Variants in KCNK10 observed in about 807,000 individuals in gnomAD.
KCNK10 encodes the protein potassium two pore domain channel subfamily K member 10, also known as potassium channel subfamily K member 10.
KCNK10 carries 25 observed loss-of-function variants against 47.7 expected under a neutral mutation model. The ratio of observed to expected loss-of-function variants is 0.52; its 90% confidence interval spans 0.38 to 0.73. The LOEUF is 0.73. KCNK10 is among the 30% of genes least tolerant of loss of function. The pLI, the probability that KCNK10 is intolerant of heterozygous loss-of-function variation, is 0.00. For synonymous variants in KCNK10, 303 were observed against 285.6 expected (o/e 1.06, Z -0.61); for missense variants, 563 against 714.5 (o/e 0.79, Z 2.42).
upstream of KCNK10, among the ~76,000 whole-genome samples, chr14:88,325,230 C>T (rs933591847): frequency 6.6e-6 from 1 of 152,140 alleles, no homozygotes; most frequent in African/African-American, 2.4e-5. Flanking sequence ...CCTCCCTCTG[C>T]GCTCTTCTCT....
At chr14:88,320,131 G>C (rs1177869533) in intron 1 of KCNK10, among the ~76,000 whole-genome samples, 1 of 152,192 alleles carries the variant, frequency 6.6e-6, no homozygotes, top group African/African-American at 2.4e-5. Flanking sequence ...GTGGTGTCAT[G>C]ATGGCAATCA....
chr14:88,267,129 G>C (rs1196710964), intron 1 of KCNK10, among the ~76,000 whole-genome samples: 1 of 152,182 alleles, frequency 6.6e-6, no homozygotes, highest in Non-Finnish European at 1.5e-5. Context: ...AATAATAGCA[G>C]CCATCTTTTT....
At chr14:88,250,988 A>G (rs1886779507) in intron 2 of KCNK10, among the ~76,000 whole-genome samples, 2 of 152,202 alleles carry the variant, frequency 1.3e-5, no homozygotes, top group Admixed American at 1.3e-4. Context: ...TAATCCCAGC[A>G]CTTTGGGAGG....
intron 1 of KCNK10, among the ~76,000 whole-genome samples, chr14:88,275,222 C>T (rs1887501792): frequency 6.6e-6 from 1 of 152,140 alleles, no homozygotes; most frequent in African/African-American, 2.4e-5. Flanking sequence ...GTGTCAAACC[C>T]GCAGTTCCTC....
chr14:88,196,062 T>C (rs1419053597), intron 4 of KCNK10, among the ~76,000 whole-genome samples: 4 of 152,216 alleles, frequency 2.6e-5, no homozygotes, highest in Non-Finnish European at 5.9e-5. Flanking sequence ...GATAGGATGG[T>C]CGTTGTACTT....
At chr14:88,213,774 GGA>G (rs1885531556) in intron 4 of KCNK10, among the ~76,000 whole-genome samples, 1 of 137,246 alleles carries the variant, frequency 7.3e-6, no homozygotes, top group Admixed American at 7.1e-5. Flanking sequence ...AAAGATATGA[GGA>G]AAGAGCTAAA....
At chr14:88,204,910 T>C (rs1317046901) in intron 4 of KCNK10, among the ~76,000 whole-genome samples, 2 of 152,300 alleles carry the variant, frequency 1.3e-5, no homozygotes, top group Middle Eastern at 3.4e-3. Flanking sequence ...GAATCCATAG[T>C]ATACATTAGG....
intron 2 of KCNK10, among the ~76,000 whole-genome samples, chr14:88,253,293 T>C (rs909555149): frequency 3.9e-5 from 6 of 152,172 alleles, no homozygotes; most frequent in Non-Finnish European, 7.3e-5. Context: ...TAAATTCTAG[T>C]GTTCTATACC....
rs1887369610 is a variant in KCNK10, at chr14:88,270,228, G to C, written c.53-6677C>G. On this transcript the variant is annotated intron_variant, in intron 1 of 6. Coordinates refer to ENST00000319231, the MANE Select transcript of KCNK10 (RefSeq NM_138317.3). ...CTGCATAGGCATAGGCAGACTTCAG[G>C]CCGCTGGGGAGGGAGGGTGTTAGGA... is the stretch of plus-strand genomic sequence containing the variant. Among the ~76,000 whole-genome samples the C allele has an allele frequency of 2.0e-5, 3 of 152,172 alleles. No individual in the cohort carries two copies. The South Asian group carries it at 6.2e-4, about 32-fold the overall frequency.
intron 1 of KCNK10, among the ~76,000 whole-genome samples, chr14:88,310,063 C>T (rs186795472): frequency 4.1e-5 from 6 of 144,782 alleles, no homozygotes; most frequent in South Asian, 2.3e-4. Context: ...GCTGTACCCA[C>T]GGGTAATTGG....
At chr14:88,288,680 CCCACTTCT>C (rs1171952810) in intron 1 of KCNK10, among the ~76,000 whole-genome samples, 2 of 152,206 alleles carry the variant, frequency 1.3e-5, no homozygotes, top group Admixed American at 6.5e-5. Context: ...CTGGCCATGG[CCCACTTCT>C]CCACCTTCAT....
chr14:88,198,845 TA>T (rs1370277287), intron 4 of KCNK10, among the ~76,000 whole-genome samples: 1 of 152,156 alleles, frequency 6.6e-6, no homozygotes, highest in Non-Finnish European at 1.5e-5. Context: ...TTCTTCAGTA[TA>T]AAGGGAATAT....
intron 1 of KCNK10, among the ~76,000 whole-genome samples, chr14:88,304,612 T>C (rs954904129): frequency 1.3e-5 from 2 of 152,344 alleles, no homozygotes; most frequent in African/African-American, 4.8e-5. Context: ...TGTAAGCTAG[T>C]GTCCATTCTG....
chr14:88,212,109 A>AATATATAGATATATATATAT (rs1885476741), intron 4 of KCNK10, among the ~76,000 whole-genome samples: 1 of 133,334 alleles, frequency 7.5e-6, no homozygotes. Context: ...TGATAGTGAG[A>AATATATAGATATATATATAT]ATATATATAT....
rs724611 is a variant in KCNK10, at chr14:88,260,683, G to T, written c.402+2519C>A. Among the ~76,000 whole-genome samples, 1 of 152,204 alleles carries T rather than the reference G, an allele frequency of 6.6e-6. No homozygotes were observed. Among genetic ancestry groups the T allele is most frequent in the East Asian group, 1.9e-4 (1 of 5,190 alleles). On this transcript the variant is annotated intron_variant, in intron 2 of 6. Transcript: ENST00000319231. The surrounding 1 kb of genome is among the most constrained non-coding windows in gnomAD (Gnocchi z 4.5). ...TTTCCTCCCCTGTAAAATGGGAATC[G>T]TGATATGAACTTAGAGTGTTGTTGA... is the stretch of plus-strand genomic sequence containing the variant.
chr14:88,257,008 C>T (rs1466383578), intron 2 of KCNK10, among the ~76,000 whole-genome samples: 1 of 152,166 alleles, frequency 6.6e-6, no homozygotes, highest in Non-Finnish European at 1.5e-5. Flanking sequence ...GAGATTAACC[C>T]CCGAGTCCTG....
intron 1 of KCNK10, among the ~76,000 whole-genome samples, chr14:88,302,262 G>T (rs979083178): frequency 1.3e-5 from 2 of 152,196 alleles, no homozygotes; most frequent in Non-Finnish European, 2.9e-5. Context: ...TCGGCATATA[G>T]ATGATACAGA....
At chr14:88,199,200 G>A (rs1163716128) in intron 4 of KCNK10, among the ~76,000 whole-genome samples, 8 of 152,112 alleles carry the variant, frequency 5.3e-5, no homozygotes, top group African/African-American at 1.2e-4. Context: ...GATTACAGGC[G>A]TGAGCCACCG....
At chr14:88,226,944 T>C (rs1189433348) in intron 4 of KCNK10, among the ~76,000 whole-genome samples, 1 of 152,168 alleles carries the variant, frequency 6.6e-6, no homozygotes, top group Non-Finnish European at 1.5e-5. Flanking sequence ...AAGTCAGGCT[T>C]CTGGAAGAAG....
Sources: allele counts gnomAD v4.1 joint callset (sites outside exome capture counted in the v4.1 genomes callset), GRCh38; gene constraint gnomAD v4.1.1; non-coding constraint Gnocchi (gnomAD v3.1); transcripts MANE v1.5; gene names NCBI Gene and HGNC (gene_info 2026-07-23, HGNC 2026-07-21).